Variants in TTC7B observed in about 807,000 individuals in gnomAD.
TTC7B encodes the protein tetratricopeptide repeat protein 7B.
In TTC7B, 28 loss-of-function variants were observed where a neutral mutation model predicts 106.8. The observed-to-expected ratio is 0.26, with a 90% CI of 0.19 to 0.36. The LOEUF (loss-of-function observed/expected upper bound fraction) is 0.36. Among genes scored for constraint, TTC7B ranks in the 10% least tolerant of loss-of-function variants. The pLI, the probability that TTC7B is intolerant of heterozygous loss-of-function variation, is 1.00. For missense variants in TTC7B, 862 were observed against 1,076.4 expected (o/e 0.80, Z 2.79); for synonymous variants, 405 against 430.6 (o/e 0.94, Z 0.74).
rs76967177 is a variant in TTC7B at position 90,762,737 on chromosome 14, C to T, written c.446-17815G>A. 5.3e-5 allele frequency among the ~76,000 whole-genome samples: 8 copies of T among 152,258 alleles called. No individual in the cohort carries two copies. In the South Asian group the frequency reaches 1.7e-3, roughly 32 times the overall value. ...GAGACTACTCCTCAAAGCCATCACG[C>T]CTGAAACTGGGAAATAACTAAAGAT... On this transcript the variant is annotated intron_variant, in intron 3 of 19. Transcript: ENST00000328459.
intron 3 of TTC7B, among the ~76,000 whole-genome samples, chr14:90,756,384 G>GC (rs888342468): frequency 3.2e-5 from 4 of 126,826 alleles, no homozygotes; most frequent in Admixed American, 1.5e-4. Flanking sequence ...TTTTTTTTTT[G>GC]TTTTTTTTTT....
chr14:90,675,490 G>C (rs564937412), intron 9 of TTC7B, among the ~76,000 whole-genome samples: 1 of 152,094 alleles, frequency 6.6e-6, no homozygotes, highest in African/African-American at 2.4e-5. Context: ...GGGCTGAGCC[G>C]CATGTGGTGG....
At chr14:90,740,722 G>A (rs922282325) in intron 4 of TTC7B, among the ~76,000 whole-genome samples, 3 of 151,848 alleles carry the variant, frequency 2.0e-5, no homozygotes, top group Non-Finnish European at 4.4e-5. Flanking sequence ...GGCTGGTCTC[G>A]AACTCCTGAC....
chr14:90,619,009 T>C (rs1487431833), intron 15 of TTC7B, among the ~76,000 whole-genome samples: 2 of 152,208 alleles, frequency 1.3e-5, no homozygotes, highest in Non-Finnish European at 2.9e-5. Flanking sequence ...GTTCAAGTGA[T>C]TCTCCTGCCT....
At chr14:90,612,914 A>G (rs1269750403) in intron 16 of TTC7B, among the ~76,000 whole-genome samples, 2 of 152,204 alleles carry the variant, frequency 1.3e-5, no homozygotes, top group African/African-American at 4.8e-5. Flanking sequence ...CAAACAAACC[A>G]TCATCTGAAT....
At chr14:90,787,778 G>A (rs892887047) in intron 1 of TTC7B, among the ~76,000 whole-genome samples, 1 of 152,184 alleles carries the variant, frequency 6.6e-6, no homozygotes, top group African/African-American at 2.4e-5. Flanking sequence ...TTTTAGAGAT[G>A]AGACCTAGAG....
chr14:90,779,071 C>G (rs986166045), intron 3 of TTC7B, among the ~76,000 whole-genome samples: 14 of 152,212 alleles, frequency 9.2e-5, no homozygotes, highest in Non-Finnish European at 1.9e-4. Context: ...GGGCCCTGGT[C>G]TCTGCCAGCC....
At chr14:90,735,704 AT>A (rs895613270) in intron 4 of TTC7B, among the ~76,000 whole-genome samples, 96 of 147,430 alleles carry the variant, frequency 6.5e-4, no homozygotes, top group South Asian at 1.1e-3. Flanking sequence ...TTTTTTAAAT[AT>A]TTTTTTTTTT....
In TTC7B at chr14:90,680,565, T is replaced by C. The variant is rs377449146; in HGVS notation, c.951-30A>G. ...AGTTGAAAGAAAACTGACTTTGATA[T>C]ATGGCAGTTTCAAAATATACAAATA... On this transcript the variant is annotated intron_variant, in intron 7 of 19. Transcript: ENST00000328459. 50 of 1,558,596 alleles carry C rather than the reference T, an allele frequency of 3.2e-5. No homozygotes were observed. The African/African-American group carries it at 6.8e-4, about 21-fold the overall frequency.
chr14:90,650,898 A>T (rs577244317), intron 13 of TTC7B, among the ~76,000 whole-genome samples: 1 of 152,338 alleles, frequency 6.6e-6, no homozygotes, highest in Non-Finnish European at 1.5e-5. Flanking sequence ...CCCAACCTGG[A>T]TGTCTTCAAA....
rs1031601304 is a variant in TTC7B at position 90,805,397 on chromosome 14, G to A, written c.121+10778C>T. Among the ~76,000 whole-genome samples the A allele has an allele frequency of 6.6e-6, 1 of 152,180 alleles. No individual in the cohort carries two copies. The highest frequency in any genetic ancestry group is 1.5e-5 in the Non-Finnish European group (1 of 68,040). ...TCCTGCCTCAGCCTCCCGCGTAGCT[G>A]CGATTACAGGCGTGTACCACAATGC... On this transcript the variant is annotated intron_variant, in intron 1 of 19. Transcript: ENST00000328459. The surrounding 1 kb of genome is among the most constrained non-coding windows in gnomAD (Gnocchi z 4.0).
intron 6 of TTC7B, among the ~76,000 whole-genome samples, chr14:90,694,856 CAT>C (rs1321404806): frequency 2.3e-5 from 3 of 129,364 alleles, no homozygotes; most frequent in East Asian, 2.2e-4. Flanking sequence ...ATATATGTGA[CAT>C]ATATGTACAT....
intron 14 of TTC7B, 38 bp from the exon 15 acceptor site, chr14:90,644,246 CACAT>C: frequency 6.8e-7 from 1 of 1,471,758 alleles, no homozygotes; most frequent in Non-Finnish European, 9.0e-7. Flanking sequence ...TTTACATACA[CACAT>C]GCACACGCAC....
chr14:90,796,071 C>T lies in TTC7B; in HGVS notation c.122-9743G>A, dbSNP rs114638280. On this transcript the variant is annotated intron_variant, in intron 1 of 19. Coordinates refer to ENST00000328459, the MANE Select transcript of TTC7B (RefSeq NM_001010854.2). ...CAGTCTCCCTACACTCTCTCCGGCA[C>T]GCCATGCACAAACTATACCATCAGC... 4.7e-3 allele frequency among the ~76,000 whole-genome samples: 712 copies of T among 152,288 alleles called. 4 individuals carry two copies. The highest frequency in any genetic ancestry group is 0.016 in the African/African-American group (683 of 41,564).
rs1344770680 is a variant in TTC7B at position 90,536,728 on chromosome 14, C to T, written c.*4640G>A. ...ATGGTCGCTGTGTGACAGCAGGAGC[C>T]TGACAGCCTCCCAGCTCCCACGCTG... On this transcript the variant is annotated 3_prime_UTR_variant, in exon 20 of 20. Transcript: ENST00000328459. 1.3e-5 allele frequency: 2 copies of T among 152,392 alleles called. No individual in the cohort carries two copies. The highest frequency in any genetic ancestry group is 2.9e-5 in the Non-Finnish European group (2 of 68,162). The allele number at this position is 152,392 out of a possible 1,614,324, so 9.4% of individuals were successfully genotyped here.
intron 16 of TTC7B, among the ~76,000 whole-genome samples, chr14:90,617,230 G>A (rs1197642950): frequency 6.6e-6 from 1 of 152,136 alleles, no homozygotes; most frequent in Non-Finnish European, 1.5e-5. Context: ...TTTGTTTGGG[G>A]GAGAGACAAC....
intron 1 of TTC7B, among the ~76,000 whole-genome samples, chr14:90,810,241 A>T (rs552539480): frequency 6.6e-5 from 10 of 152,208 alleles, no homozygotes; most frequent in Non-Finnish European, 1.5e-4. Flanking sequence ...CCCCATTGGG[A>T]ATGTCACATA....
At position 90,805,694 on chromosome 14, in the gene TTC7B, C is replaced by T. The variant is rs1348626057; in HGVS notation, c.121+10481G>A. ...TGAGGCTGCAATAACCAGCTCCCAACGACTTGTATACAGAGATAAAGCCTG... is the reference window on the plus strand; with the variant it reads ...TGAGGCTGCAATAACCAGCTCCCAATGACTTGTATACAGAGATAAAGCCTG... On this transcript the variant is annotated intron_variant, in intron 1 of 19. Transcript: ENST00000328459. This position sits in a 1 kb window ranked among gnomAD's most constrained non-coding sequence, Gnocchi z 4.0. 6.6e-6 allele frequency among the ~76,000 whole-genome samples: 1 copy of T among 152,230 alleles called. No homozygotes were observed. The highest frequency in any genetic ancestry group is 2.4e-5 in the African/African-American group (1 of 41,460).
intron 19 of TTC7B, among the ~76,000 whole-genome samples, chr14:90,571,246 C>G (rs950470429): frequency 1.3e-5 from 2 of 152,162 alleles, no homozygotes; most frequent in Admixed American, 1.3e-4. Flanking sequence ...ACACAGCTAT[C>G]GAAGAAGCTA....
Sources: gnomAD v4.1 joint callset for allele counts (sites outside exome capture counted in the v4.1 genomes callset) on GRCh38, gnomAD v4.1.1 for gene constraint, Gnocchi (gnomAD v3.1) non-coding constraint, MANE v1.5 for transcripts, NCBI Gene and HGNC (gene_info 2026-07-23, HGNC 2026-07-21) for gene names.